Variants in PALM2AKAP2 observed in about 807,000 individuals in gnomAD.
The protein encoded by PALM2AKAP2 is PALM2-AKAP2 fusion protein.
Under a neutral mutation model 71.5 loss-of-function variants are expected in PALM2AKAP2, and 37 were observed. The observed-to-expected ratio is 0.52, with a 90% confidence interval of 0.40 to 0.68. PALM2AKAP2 has a LOEUF of 0.68. Ranked by LOEUF, PALM2AKAP2 falls within the 30% of genes least tolerant of loss-of-function variation. The pLI, the probability that PALM2AKAP2 is intolerant of heterozygous loss-of-function variation, is 0.00. For synonymous variants in PALM2AKAP2, 468 were observed against 478.8 expected, an observed-to-expected ratio of 0.98 and a Z score of 0.29; for missense variants, 1,224 against 1,191.8, an observed-to-expected ratio of 1.03 and a Z score of -0.40.
At chr9:110,152,841 A>T (rs892179441) in intron 2 of PALM2AKAP2, among the ~76,000 whole-genome samples, 32 of 152,138 alleles carry the variant, frequency 2.1e-4, no homozygotes, top group Non-Finnish European at 3.5e-4. Context: ...CTTGGGGAGG[A>T]TCATCAGAGA....
chr9:109,875,255 A>G lies in PALM2AKAP2; in HGVS notation c.127-5296A>G, dbSNP rs117157918. On this transcript the variant is annotated intron_variant, in intron 2 of 9. Transcript: ENST00000302798. The stretch of plus-strand genomic sequence containing the variant: ...CTCCGGATCTCAGATCTCAGCTTGA[A>G]TGTTCAAGTCATCAGAGAGACCTTT... 1.7e-4 allele frequency among the ~76,000 whole-genome samples: 26 copies of G among 152,318 alleles called. No individual in the cohort carries two copies. In the East Asian group the frequency reaches 4.6e-3, roughly 27 times the overall value.
At chr9:109,816,240 T>G (rs1384161904) in intron 1 of PALM2AKAP2, among the ~76,000 whole-genome samples, 1 of 152,168 alleles carries the variant, frequency 6.6e-6, no homozygotes, top group Non-Finnish European at 1.5e-5. Context: ...CATTTGGGAT[T>G]TTTGCCAGAT....
intron 1 of PALM2AKAP2, among the ~76,000 whole-genome samples, chr9:109,698,777 C>G (rs1027203196): frequency 1.3e-5 from 2 of 152,116 alleles, no homozygotes; most frequent in African/African-American, 4.8e-5. Flanking sequence ...ATTCAATAAG[C>G]ATTTAATGAT....
chr9:110,015,279 T>A (rs1790672111), intron 6 of PALM2AKAP2, among the ~76,000 whole-genome samples: 1 of 152,132 alleles, frequency 6.6e-6, no homozygotes, highest in African/African-American at 2.4e-5. Flanking sequence ...TGAGTCTCAA[T>A]ATGAGGCCTG....
At chr9:109,744,711 A>G (rs1367312201) in intron 1 of PALM2AKAP2, among the ~76,000 whole-genome samples, 5 of 152,208 alleles carry the variant, frequency 3.3e-5, no homozygotes, top group African/African-American at 4.8e-5. Flanking sequence ...GATTCCAGGA[A>G]TGTTCTAAGC....
chr9:109,698,718 G>C (rs11795237), intron 1 of PALM2AKAP2, among the ~76,000 whole-genome samples: 1 of 152,168 alleles, frequency 6.6e-6, no homozygotes, highest in Non-Finnish European at 1.5e-5. Context: ...AGGCTGGTAC[G>C]AATGCTATTG....
At chr9:109,709,349 T>G (rs1828191653) in intron 1 of PALM2AKAP2, among the ~76,000 whole-genome samples, 1 of 152,254 alleles carries the variant, frequency 6.6e-6, no homozygotes, top group Non-Finnish European at 1.5e-5. Context: ...GCCTCCCATG[T>G]GACTTTGTCA....
exon 2 of PALM2AKAP2, chr9:110,137,559 G>T (rs548585080): frequency 1.2e-6 from 2 of 1,614,168 alleles, no homozygotes; most frequent in South Asian, 2.2e-5. Context: ...ACGAGCGCCC[G>T]GGCTGTCCTC....
chr9:110,014,931 C>T (rs967706944), intron 6 of PALM2AKAP2, among the ~76,000 whole-genome samples: 1 of 144,660 alleles, frequency 6.9e-6, no homozygotes, highest in Non-Finnish European at 1.5e-5. Context: ...ACGTACATAA[C>T]TGCATCTGAA....
rs564115932 is a variant in PALM2AKAP2 at position 110,070,934 on chromosome 9, G to A, written c.156+22079G>A. On this transcript the variant is annotated intron_variant, in intron 1 of 3. Transcript: ENST00000374525. ...CCCAGCACTTTGGGAGGCTGACGTG[G>A]GTGGATCACTTGAAGTCAGGAGTTC... 5.9e-4 allele frequency among the ~76,000 whole-genome samples: 90 copies of A among 152,130 alleles called. No homozygotes were observed. In the South Asian group the frequency reaches 0.018, roughly 31 times the overall value.
intron 6 of PALM2AKAP2, among the ~76,000 whole-genome samples, chr9:109,951,015 C>CCTATTCTGGCAGGTGGGAAGAGTT (rs1831626382): frequency 6.6e-6 from 1 of 152,238 alleles, no homozygotes; most frequent in Non-Finnish European, 1.5e-5. Flanking sequence ...TCTGTGATAT[C>CCTATTCTGGCAGGTGGGAAGAGTT]CTATTCTGGC....
intron 1 of PALM2AKAP2, among the ~76,000 whole-genome samples, chr9:109,798,894 A>T (rs139671362): frequency 6.6e-6 from 1 of 152,226 alleles, no homozygotes; most frequent in Non-Finnish European, 1.5e-5. Flanking sequence ...CTGTGGCCGG[A>T]GCCCACATCA....
intron 6 of PALM2AKAP2, among the ~76,000 whole-genome samples, chr9:109,985,416 G>C (rs982389781): frequency 6.6e-6 from 1 of 151,418 alleles, no homozygotes; most frequent in Admixed American, 6.6e-5. Context: ...TCAGGAGATG[G>C]AGACCATCCT....
At chr9:109,806,651 C>A (rs1013484885) in intron 1 of PALM2AKAP2, among the ~76,000 whole-genome samples, 2 of 152,136 alleles carry the variant, frequency 1.3e-5, no homozygotes. Flanking sequence ...ATGTGGATAT[C>A]TGGGGGAAAC....
intron 1 of PALM2AKAP2, among the ~76,000 whole-genome samples, chr9:109,807,798 C>T (rs1289415778): frequency 6.6e-6 from 1 of 152,140 alleles, no homozygotes; most frequent in Non-Finnish European, 1.5e-5. Context: ...ATAATCCCCA[C>T]ATATTGTGGG....
chr9:109,727,343 T>G (rs1183512225), intron 1 of PALM2AKAP2, among the ~76,000 whole-genome samples: 5 of 152,214 alleles, frequency 3.3e-5, no homozygotes, highest in Non-Finnish European at 5.9e-5. Context: ...AAATGAGCCC[T>G]GATATTAGAT....
At chr9:110,043,464 C>T (rs1002577176) in intron 7 of PALM2AKAP2, among the ~76,000 whole-genome samples, 2 of 152,072 alleles carry the variant, frequency 1.3e-5, no homozygotes, top group African/African-American at 4.8e-5. Context: ...AGAGTTATCA[C>T]CAAATTATCT....
chr9:110,005,353 C>G (rs1466740807), intron 6 of PALM2AKAP2, among the ~76,000 whole-genome samples: 2 of 152,224 alleles, frequency 1.3e-5, no homozygotes, highest in African/African-American at 2.4e-5. Flanking sequence ...TATTGGTGAA[C>G]AGCAAATATT....
chr9:110,026,261 T>C (rs1033689148), intron 7 of PALM2AKAP2, among the ~76,000 whole-genome samples: 3 of 151,918 alleles, frequency 2.0e-5, no homozygotes, highest in Admixed American at 6.6e-5. Flanking sequence ...TTATTTTTTG[T>C]AGAGAAGGAG....
Sources: allele counts gnomAD v4.1 joint callset (sites outside exome capture counted in the v4.1 genomes callset), GRCh38; gene constraint gnomAD v4.1.1; transcripts MANE v1.5; gene names NCBI Gene and HGNC (gene_info 2026-07-23, HGNC 2026-07-21).